RIN3: variants seen among roughly 807,000 people sequenced by gnomAD.
RIN3 encodes the protein Ras and Rab interactor 3, also known as RAB5 interacting protein 3.
A neutral mutation model predicts 76.3 loss-of-function variants in RIN3; 54 were observed. The observed-to-expected ratio is 0.71, with a 90% confidence interval of 0.57 to 0.89. RIN3 has a LOEUF of 0.89. RIN3 is among the 40% of genes least tolerant of loss of function. The pLI, the probability that RIN3 is intolerant of heterozygous loss-of-function variation, is 0.00. For missense variants in RIN3, 1,256 were observed against 1,322.1 expected (o/e 0.95, Z 0.78); for synonymous variants, 576 against 564.0 (o/e 1.02, Z -0.30).
intron 3 of RIN3, among the ~76,000 whole-genome samples, chr14:92,583,492 C>G (rs886583016): frequency 6.6e-6 from 1 of 152,222 alleles, no homozygotes; most frequent in African/African-American, 2.4e-5. Flanking sequence ...GAGTGTGCAG[C>G]TGGCCCTCCA....
rs193040866 is a variant in RIN3 at position 92,523,383 on chromosome 14, A to G, written c.44+9407A>G. 5.9e-4 allele frequency among the ~76,000 whole-genome samples: 90 copies of G among 152,354 alleles called. 1 individual carries two copies. The highest frequency in any genetic ancestry group is 2.0e-3 in the African/African-American group (84 of 41,584). On this transcript the variant is annotated intron_variant, in intron 1 of 9. Coordinates refer to ENST00000216487, the MANE Select transcript of RIN3 (RefSeq NM_024832.5). ...CATCCTGGCCTCCCAAAGTGCTGGGATTACAGGCGTGAGCCACCGTGCCTA... is the reference window on the plus strand; with the variant it reads ...CATCCTGGCCTCCCAAAGTGCTGGGGTTACAGGCGTGAGCCACCGTGCCTA...
rs1887524572 is a variant in RIN3, at chr14:92,652,930, C to T, written c.1881C>T (p.Ser627=). 1.9e-6 allele frequency: 3 copies of T among 1,613,840 alleles called. No individual in the cohort carries two copies. The highest frequency in any genetic ancestry group is 1.1e-5 in the South Asian group (1 of 91,094). ...GSLVQDYKVY[S]LEMMARQTSS... ...TGGTGCAGGACTACAAGGTGTACAG[C>T]CTGGAGATGATGGCGCGCCAGACCT... Residue 627 remains serine (S), a synonymous_variant, in exon 6 of 10, where the codon AGC becomes AGT. Coordinates refer to ENST00000216487, the MANE Select transcript of RIN3 (RefSeq NM_024832.5). This position sits in a 1 kb window ranked among gnomAD's most constrained non-coding sequence, Gnocchi z 6.4.
intron 1 of RIN3, among the ~76,000 whole-genome samples, chr14:92,529,439 G>A (rs1291943778): frequency 1.3e-5 from 2 of 151,904 alleles, no homozygotes; most frequent in South Asian, 2.1e-4. Context: ...TAGTAGAGAC[G>A]GGGTTTCACT....
Position 92,688,000 on chromosome 14 carries a change from C to A in RIN3, c.2706C>A (p.Ala902=), listed in dbSNP as rs1487773279. ...TGGCGTCGCGGGCGGACACCCAGGC[C>A]CAGGCGCTGTGCGCGCAGTGCGCGG... ...RTLASRADTQ[A]QALCAQCAEK... Residue 902 remains alanine (A), a synonymous_variant, in exon 10 of 10, where the codon GCC becomes GCA. Coordinates refer to ENST00000216487, the MANE Select transcript of RIN3 (RefSeq NM_024832.5). 6.4e-7 allele frequency: 1 copy of A among 1,571,290 alleles called. No individual in the cohort carries two copies. Among genetic ancestry groups the A allele is most frequent in the South Asian group, 1.2e-5 (1 of 86,464 alleles).
Position 92,656,713 on chromosome 14 carries a change from T to C in RIN3, c.2027-2448T>C, listed in dbSNP as rs777185939. ...AGGCAGTGAGAGGTGGCAGCTGAGC[T>C]GAGCCACCAAGGATGGGAAGGGCTG... On this transcript the variant is annotated intron_variant, in intron 6 of 9. Coordinates refer to ENST00000216487, the MANE Select transcript of RIN3 (RefSeq NM_024832.5). The surrounding 1 kb of genome is among the most constrained non-coding windows in gnomAD (Gnocchi z 5.2). Among the ~76,000 whole-genome samples the C allele has an allele frequency of 6.6e-6, 1 of 152,160 alleles. No homozygotes were observed. Among genetic ancestry groups the C allele is most frequent in the African/African-American group, 2.4e-5 (1 of 41,446 alleles).
chr14:92,682,286 G>A (rs998514490), intron 8 of RIN3, among the ~76,000 whole-genome samples: 2 of 152,168 alleles, frequency 1.3e-5, no homozygotes, highest in African/African-American at 2.4e-5. Context: ...ACCAGGGTGT[G>A]AACTTGTCCC....
At chr14:92,633,206 A>G (rs1269167771) in intron 4 of RIN3, among the ~76,000 whole-genome samples, 1 of 152,098 alleles carries the variant, frequency 6.6e-6, no homozygotes. Context: ...CAGGAAGACG[A>G]ACATGCATGA....
Position 92,537,974 on chromosome 14 carries a change from C to T in RIN3, c.45-17777C>T, listed in dbSNP as rs375199776. ...GCCTCAGCCCCCCAAGTAGCTGGGA[C>T]TACAGGCGCCCGCCTGGCTTTTTTG... On this transcript the variant is annotated intron_variant, in intron 1 of 9. Transcript: ENST00000216487. 6.6e-5 allele frequency among the ~76,000 whole-genome samples: 10 copies of T among 152,172 alleles called. No homozygotes were observed. In the East Asian group the frequency reaches 1.2e-3, roughly 18 times the overall value.
chr14:92,578,453 G>A (rs12050458), intron 3 of RIN3, among the ~76,000 whole-genome samples: 52,191 of 151,882 alleles, frequency 0.34, 10,407 homozygotes, highest in East Asian at 0.5. Flanking sequence ...TGGTATAACC[G>A]CTCAGTGGGT....
chr14:92,676,627 C>T lies in RIN3; in HGVS notation c.2467+21C>T, dbSNP rs747809324. On this transcript the variant is annotated intron_variant, in intron 8 of 9. Transcript: ENST00000216487. Reference sequence around the variant, plus strand: ...GGAGGGTGAGTCACCACCCCCTGCCCATCAGGTGCATTGCACACCCCCAAC... The same window carrying T: ...GGAGGGTGAGTCACCACCCCCTGCCTATCAGGTGCATTGCACACCCCCAAC... 3 of 1,610,206 alleles carry T rather than the reference C, an allele frequency of 1.9e-6. No homozygotes were observed. The East Asian group carries it at 6.7e-5, about 36-fold the overall frequency.
intron 3 of RIN3, among the ~76,000 whole-genome samples, chr14:92,607,868 G>A (rs969883926): frequency 5.9e-5 from 9 of 152,120 alleles, no homozygotes; most frequent in Admixed American, 3.3e-4. Flanking sequence ...GTTGATTCAC[G>A]GAACAACTTG....
chr14:92,633,666 T>C (rs1886668054), intron 4 of RIN3, among the ~76,000 whole-genome samples: 1 of 152,228 alleles, frequency 6.6e-6, no homozygotes, highest in South Asian at 2.1e-4. Flanking sequence ...TGAATTGTTG[T>C]ATACCCAGTT....
intron 1 of RIN3, among the ~76,000 whole-genome samples, chr14:92,526,846 C>G (rs918981706): frequency 6.6e-6 from 1 of 152,170 alleles, no homozygotes; most frequent in South Asian, 2.1e-4. Context: ...TAAATGTATT[C>G]TCTCAAAGCC....
intron 5 of RIN3, among the ~76,000 whole-genome samples, chr14:92,647,474 T>C (rs993041377): frequency 6.6e-6 from 1 of 152,230 alleles, no homozygotes; most frequent in Non-Finnish European, 1.5e-5. Context: ...TGTTTAATAC[T>C]TCAAAAATAT....
intron 4 of RIN3, among the ~76,000 whole-genome samples, chr14:92,625,536 A>G (rs556528241): frequency 1.5e-3 from 222 of 152,272 alleles, no homozygotes; most frequent in Non-Finnish European, 2.4e-3. Context: ...GAGGTGGTCT[A>G]CTATTATGCC....
intron 7 of RIN3, among the ~76,000 whole-genome samples, chr14:92,668,180 G>T (rs1424110154): frequency 6.6e-6 from 1 of 152,168 alleles, no homozygotes; most frequent in Non-Finnish European, 1.5e-5. Context: ...TAAGTAGCAC[G>T]CTTAGGGTCA....
chr14:92,576,056 A>AGGGGTGGGGTCAAGACAGGAGC (rs1307428577), intron 2 of RIN3, among the ~76,000 whole-genome samples: 1 of 152,140 alleles, frequency 6.6e-6, no homozygotes, highest in African/African-American at 2.4e-5. Context: ...CTTAAGCTCC[A>AGGGGTGGGGTCAAGACAGGAGC]GGGGTGGGGT....
At position 92,685,443 on chromosome 14, in the gene RIN3, G is replaced by A. The variant is rs1888819131; in HGVS notation, c.2631+293G>A. 1 of 380,666 alleles carries A rather than the reference G, an allele frequency of 2.6e-6. No homozygotes were observed. The highest frequency in any genetic ancestry group is 2.0e-5 in the African/African-American group (1 of 50,008). The allele number at this position is 380,666 out of a possible 1,614,324, so 23.6% of individuals were successfully genotyped here. On this transcript the variant is annotated intron_variant, in intron 9 of 9. Coordinates refer to ENST00000216487, the MANE Select transcript of RIN3 (RefSeq NM_024832.5). This position sits in a 1 kb window ranked among gnomAD's most constrained non-coding sequence, Gnocchi z 4.7. Reference sequence around the variant, plus strand: ...ACCCATCATTCCTTAGCCCCTCCTAGGACCCAGCACCCTGCAGGGGCTGGA... The same window carrying A: ...ACCCATCATTCCTTAGCCCCTCCTAAGACCCAGCACCCTGCAGGGGCTGGA...
At chr14:92,592,838 G>A (rs1411562362) in intron 3 of RIN3, among the ~76,000 whole-genome samples, 1 of 151,888 alleles carries the variant, frequency 6.6e-6, no homozygotes, top group African/African-American at 2.4e-5. Flanking sequence ...ACCATGCCCA[G>A]CTAATTTTTT....
Sources: allele counts gnomAD v4.1 joint callset (sites outside exome capture counted in the v4.1 genomes callset), GRCh38; gene constraint gnomAD v4.1.1; non-coding constraint Gnocchi (gnomAD v3.1); transcripts MANE v1.5; gene names NCBI Gene and HGNC (gene_info 2026-07-23, HGNC 2026-07-21).